Variants in WAPL observed in about 807,000 individuals in gnomAD.
WAPL encodes wings apart-like protein homolog.
In WAPL, 5 loss-of-function variants were observed where a neutral mutation model predicts 121.0. The ratio of observed to expected loss-of-function variants is 0.04; its 90% confidence interval spans 0.02 to 0.09. The LOEUF (loss-of-function observed/expected upper bound fraction) is 0.09. WAPL is among the 10% of genes least tolerant of loss of function. The pLI is 1.00. For synonymous variants in WAPL, 480 were observed against 481.5 expected (o/e 1.00, Z 0.04); for missense variants, 999 against 1,410.8 (o/e 0.71, Z 4.68).
At chr10:86,467,075 C>T in intron 9 of WAPL, 1 of 524,682 alleles carries the variant, frequency 1.9e-6, no homozygotes, top group Non-Finnish European at 3.4e-6. Flanking sequence ...ATTTATTGGG[C>T]AAAAAGCCTA....
chr10:86,477,877 T>G (rs909232446), intron 4 of WAPL, among the ~76,000 whole-genome samples: 9 of 151,234 alleles, frequency 6.0e-5, no homozygotes, highest in Non-Finnish European at 1.3e-4. Flanking sequence ...GTCAGGAGTT[T>G]GAAACCAGCC....
intron 4 of WAPL, among the ~76,000 whole-genome samples, chr10:86,476,355 A>G (rs1841654610): frequency 6.6e-6 from 1 of 150,382 alleles, no homozygotes; most frequent in Admixed American, 6.6e-5. Context: ...ACAGAGCGAG[A>G]CTCTGTCTCA....
rs200803685 is a variant in WAPL at position 86,508,812 on chromosome 10, T to TG, written c.500-8070dup. Among the ~76,000 whole-genome samples, 712 of 142,868 alleles carry TG rather than the reference T, an allele frequency of 5.0e-3. 2 individuals carry two copies. The highest frequency in any genetic ancestry group is 8.1e-3 in the Non-Finnish European group (542 of 66,816). 93.7% of individuals were successfully genotyped at this position (142,868 alleles called of 152,430 possible). ...CTCTGTCACCCAGGCTGGAGTGCAG[T>TG]GGCGCGATCTCGGCTCACTGCAAGC... On this transcript the variant is annotated intron_variant, in intron 2 of 18. Transcript: ENST00000298767.
intron 15 of WAPL, among the ~76,000 whole-genome samples, chr10:86,447,298 G>A (rs1347021252): frequency 6.6e-6 from 1 of 152,142 alleles, no homozygotes; most frequent in African/African-American, 2.4e-5. Flanking sequence ...TAATTTTCAA[G>A]CCCTGAGATA....
At chr10:86,508,787 C>G (rs1212108337) in intron 2 of WAPL, among the ~76,000 whole-genome samples, 2 of 115,570 alleles carry the variant, frequency 1.7e-5, no homozygotes, top group African/African-American at 3.4e-5. Context: ...GAGACAGAGT[C>G]TCTGTCACCC....
At chr10:86,489,421 CTT>C (rs1040014124) in intron 4 of WAPL, among the ~76,000 whole-genome samples, 8 of 152,150 alleles carry the variant, frequency 5.3e-5, no homozygotes, top group African/African-American at 1.7e-4. Context: ...GCAAAGTGCT[CTT>C]GTTTTTAGAA....
At chr10:86,446,498 T>G (rs1357964001) in intron 15 of WAPL, 49 bp from the exon 16 acceptor site, 1 of 1,522,620 alleles carries the variant, frequency 6.6e-7, no homozygotes, top group Non-Finnish European at 9.0e-7. Context: ...TGCCAATCAA[T>G]ATGCATATAT....
intron 2 of WAPL, among the ~76,000 whole-genome samples, chr10:86,515,664 C>A (rs1842540362): frequency 6.6e-6 from 1 of 151,914 alleles, no homozygotes; most frequent in African/African-American, 2.4e-5. Context: ...TGCCTATAAT[C>A]CCAGCTACTG....
intron 3 of WAPL, among the ~76,000 whole-genome samples, chr10:86,498,521 A>T (rs1346827219): frequency 1.3e-5 from 2 of 152,202 alleles, no homozygotes; most frequent in African/African-American, 4.8e-5. Flanking sequence ...AGGTAATCTC[A>T]AGAATGACTT....
At chr10:86,467,215 T>G in intron 9 of WAPL, 64 bp downstream of exon 9, 4 of 1,474,644 alleles carry the variant, frequency 2.7e-6, no homozygotes, top group Admixed American at 3.6e-5. Context: ...ACACAGCTAC[T>G]GCAACTAACC....
intron 2 of WAPL, among the ~76,000 whole-genome samples, chr10:86,515,688 G>A (rs1461409532): frequency 6.6e-6 from 1 of 151,696 alleles, no homozygotes; most frequent in East Asian, 2.0e-4. Flanking sequence ...AGGCTGAGGT[G>A]GGAGAATCAC....
intron 4 of WAPL, chr10:86,488,506 T>G (rs759407796): frequency 6.6e-6 from 1 of 152,130 alleles, no homozygotes; most frequent in Non-Finnish European, 1.5e-5. Flanking sequence ...GCATGACCCC[T>G]GCACAAGGAT....
rs139097796 is a variant in WAPL, at chr10:86,510,368, G to A, written c.499+7203C>T. On this transcript the variant is annotated intron_variant, in intron 2 of 18. Coordinates refer to ENST00000298767, the MANE Select transcript of WAPL (RefSeq NM_015045.5). ...ATTACAGGTGTGAGCCACCGCACCC[G>A]GCTGTCTGGCTTCAAGTTCTAAAAG... Among the ~76,000 whole-genome samples the A allele has an allele frequency of 4.9e-3, 746 of 152,172 alleles. 7 individuals are homozygous for A. The highest frequency in any genetic ancestry group is 0.017 in the African/African-American group (697 of 41,516).
chr10:86,495,297 T>C (rs755878632), intron 4 of WAPL, among the ~76,000 whole-genome samples: 3 of 151,916 alleles, frequency 2.0e-5, no homozygotes, highest in Non-Finnish European at 4.4e-5. Flanking sequence ...TGAAACCACG[T>C]CTCTACAAAA....
chr10:86,460,200 A>G (rs1841237661), intron 11 of WAPL, among the ~76,000 whole-genome samples, 199 bp downstream of exon 11: 1 of 152,216 alleles, frequency 6.6e-6, no homozygotes, highest in South Asian at 2.1e-4. Flanking sequence ...CAGCAATAAT[A>G]CATGTACTCT....
At chr10:86,470,765 A>G (rs1841517477) in intron 8 of WAPL, among the ~76,000 whole-genome samples, 1 of 152,250 alleles carries the variant, frequency 6.6e-6, no homozygotes, top group African/African-American at 2.4e-5. Flanking sequence ...ATACAATTTT[A>G]AAAGTATAAA....
At chr10:86,494,667 T>A (rs1842117578) in intron 4 of WAPL, among the ~76,000 whole-genome samples, 1 of 152,226 alleles carries the variant, frequency 6.6e-6, no homozygotes, top group Admixed American at 6.5e-5. Flanking sequence ...TAATTCATCG[T>A]AACCAGTATT....
At chr10:86,452,263 C>T in intron 14 of WAPL, 132 bp from the exon 15 acceptor site, 4 of 819,118 alleles carry the variant, frequency 4.9e-6, no homozygotes, top group Non-Finnish European at 7.2e-6. Flanking sequence ...TGGCTAAAAA[C>T]CAGTATGAAA....
intron 2 of WAPL, among the ~76,000 whole-genome samples, chr10:86,509,771 T>C (rs1025885947): frequency 2.0e-5 from 3 of 151,208 alleles, no homozygotes; most frequent in African/African-American, 7.3e-5. Context: ...TTTGGTTTTT[T>C]TTTTTTTTTT....
Sources: allele counts gnomAD v4.1 joint callset (sites outside exome capture counted in the v4.1 genomes callset), GRCh38; gene constraint gnomAD v4.1.1; transcripts MANE v1.5; gene names NCBI Gene and HGNC (gene_info 2026-07-23, HGNC 2026-07-21).